ATM: variants seen among roughly 807,000 people sequenced by gnomAD.
The protein encoded by ATM is ATM serine/threonine kinase, also known as serine-protein kinase ATM.
Under a neutral mutation model 387.0 loss-of-function variants are expected in ATM, and 308 were observed. The observed-to-expected ratio is 0.80, with a 90% confidence interval of 0.73 to 0.87. The LOEUF is 0.87. Ranked by LOEUF, ATM falls within the 40% of genes least tolerant of loss-of-function variation. ATM has a pLI of 0.00. For missense variants in ATM, 3,312 were observed against 3,560.9 expected (o/e 0.93, Z 1.78); for synonymous variants, 1,156 against 1,187.3 (o/e 0.97, Z 0.54).
At chr11:108,260,715 T>G (rs886086965) in intron 16 of ATM, among the ~76,000 whole-genome samples, 1 of 152,178 alleles carries the variant, frequency 6.6e-6, no homozygotes, top group South Asian at 2.1e-4. Context: ...TTTCTGCATT[T>G]CCATCTGAGG....
At position 108,317,492 on chromosome 11, in the gene ATM, T is replaced by C. The variant is rs864622730; in HGVS notation, c.6318T>C (p.Asn2106=). The part of the protein sequence containing the change: ...EELHYQAAWR[N]MQWDHCTSVS... The stretch of plus-strand genomic sequence containing the variant: ...TTCATTACCAAGCAGCATGGAGGAA[T>C]ATGCAGTGGGACCATTGCACTTCCG... Residue 2106 remains asparagine (N), a synonymous_variant, in exon 43 of 63, where the codon AAT becomes AAC. Transcript: ENST00000675843. 2.5e-6 allele frequency: 4 copies of C among 1,611,830 alleles called. No individual in the cohort carries two copies. Among genetic ancestry groups the C allele is most frequent in the Non-Finnish European group, 1.7e-6 (2 of 1,179,192 alleles).
intron 23 of ATM, 72 bp from the exon 24 acceptor site, chr11:108,280,923 A>C: frequency 7.2e-7 from 1 of 1,397,680 alleles, no homozygotes; most frequent in Non-Finnish European, 9.9e-7. Flanking sequence ...TCTGGAGTTC[A>C]GTTGGGATTT....
intron 61 of ATM, among the ~76,000 whole-genome samples, chr11:108,356,968 C>T (rs1225938677): frequency 5.3e-5 from 8 of 152,204 alleles, no homozygotes; most frequent in African/African-American, 1.7e-4. Context: ...GGAACAGCTC[C>T]GGTATACAGC....
At chr11:108,235,641 TTTTTC>T in intron 4 of ATM, 24 bp from the exon 5 acceptor site, 4 of 1,561,852 alleles carry the variant, frequency 2.6e-6, no homozygotes, top group Non-Finnish European at 3.5e-6. Flanking sequence ...CAAATTTATG[TTTTTC>T]TTTATTTGTT....
chr11:108,242,180 A>G (rs749562687), intron 5 of ATM, among the ~76,000 whole-genome samples: 2 of 152,182 alleles, frequency 1.3e-5, no homozygotes, highest in Non-Finnish European at 2.9e-5. Context: ...ATGAAATGAG[A>G]TCTAATTGCA....
At chr11:108,275,973 T>C (rs1364836561) in intron 22 of ATM, among the ~76,000 whole-genome samples, 2 of 152,234 alleles carry the variant, frequency 1.3e-5, no homozygotes, top group African/African-American at 4.8e-5. Context: ...GGTTCCATTC[T>C]CCCCATCACT....
At chr11:108,280,715 T>A (rs2082185231) in intron 23 of ATM, among the ~76,000 whole-genome samples, 1 of 152,224 alleles carries the variant, frequency 6.6e-6, no homozygotes, top group Non-Finnish European at 1.5e-5. Flanking sequence ...AAAAGATTTT[T>A]AGCCAGAATG....
chr11:108,337,547 G>A (rs374099048), intron 56 of ATM, among the ~76,000 whole-genome samples: 3 of 152,292 alleles, frequency 2.0e-5, no homozygotes, highest in African/African-American at 7.2e-5. Context: ...TAGAACCTGT[G>A]AATGTGCGTT....
At chr11:108,289,906 GC>G in intron 29 of ATM, 105 bp downstream of exon 29, 1 of 1,142,372 alleles carries the variant, frequency 8.8e-7, no homozygotes, top group Non-Finnish European at 1.3e-6. Context: ...CACTCTGTCC[GC>G]CCAGGCTGGG....
At chr11:108,256,851 C>G (rs2080523690) in intron 14 of ATM, among the ~76,000 whole-genome samples, 1 of 152,162 alleles carries the variant, frequency 6.6e-6, no homozygotes, top group African/African-American at 2.4e-5. Context: ...ATGAACTCAT[C>G]CTTTTTTATG....
chr11:108,248,864 G>T (rs2135287748), intron 8 of ATM, 69 bp from the exon 9 acceptor site: 1 of 1,373,854 alleles, frequency 7.3e-7, no homozygotes. Flanking sequence ...CTCCAACCTG[G>T]GCAACAACAG....
chr11:108,268,480 C>A lies in ATM; in HGVS notation c.2709C>A (p.Phe903Leu). 6.2e-7 allele frequency: 1 copy of A among 1,613,996 alleles called. No individual in the cohort carries two copies. Among genetic ancestry groups the A allele is most frequent in the South Asian group, 1.1e-5 (1 of 91,076 alleles). Residue 903 changes from phenylalanine (F) to leucine (L), a missense_variant, in exon 18 of 63, where the codon TTC becomes TTA. Physicochemically the swap from Phe to Leu is conservative, Grantham distance 22. This residue lies in a region of ATM where 1,791 missense variants were observed against 1,804.5 expected (regional missense o/e 0.99). Transcript: ENST00000675843. ...TACTTTTCTTAGACATGCTCAAGTT[C>A]TTGTGTTTGTGTGTAACTACTGCTC... ...QDLLFLDMLK[F>L]LCLCVTTAQT...
intron 61 of ATM, among the ~76,000 whole-genome samples, chr11:108,356,305 A>G (rs2089916112): frequency 6.6e-6 from 1 of 152,086 alleles, no homozygotes; most frequent in Non-Finnish European, 1.5e-5. Context: ...AGAGGCCGAG[A>G]CAGGTGGATC....
intron 54 of ATM, among the ~76,000 whole-genome samples, chr11:108,334,233 C>G (rs1050564468): frequency 6.6e-6 from 1 of 151,996 alleles, no homozygotes; most frequent in Non-Finnish European, 1.5e-5. Flanking sequence ...TTTCATTGGC[C>G]AGAAGGAGAG....
rs1591531055 is a variant in ATM at position 108,252,883 on chromosome 11, A to G, written c.1869A>G (p.Ala623=). Residue 623 remains alanine (A), a synonymous_variant, in exon 12 of 63, where the codon GCA becomes GCG. Transcript: ENST00000675843. ...VSLTMKNCKA[A]MNFFQSVPEC... Reference sequence around the variant, plus strand: ...TCACTATGAAAAACTGTAAAGCTGCAATGAATTTTTTCCAAAGCGTGCCAG... The same window carrying G: ...TCACTATGAAAAACTGTAAAGCTGCGATGAATTTTTTCCAAAGCGTGCCAG... The G allele has an allele frequency of 6.2e-7, 1 of 1,613,012 alleles. No individual in the cohort carries two copies.
rs876660628 is a variant in ATM, at chr11:108,271,259, G to A, written c.2930G>A (p.Cys977Tyr). 2.5e-6 allele frequency: 4 copies of A among 1,609,362 alleles called. No homozygotes were observed. Among genetic ancestry groups the A allele is most frequent in the Non-Finnish European group, 3.4e-6 (4 of 1,178,778 alleles). The change falls in exon 20 of 63, where the codon TGT (cysteine) becomes TAT (tyrosine). Residue 977 changes from cysteine (C) to tyrosine (Y), a missense_variant. This residue lies in a region of ATM where 1,791 missense variants were observed against 1,804.5 expected (regional missense o/e 0.99). Transcript: ENST00000675843. Reference sequence around the variant, plus strand: ...TTTTTTTTTTACCACAGCAATGTGTGTTCTTTGTATCGTCGTGACCAAGAT... The same window carrying A: ...TTTTTTTTTTACCACAGCAATGTGTATTCTTTGTATCGTCGTGACCAAGAT... ...LELLKPLSNV[C>Y]SLYRRDQDVC...
chr11:108,335,071 G>T lies in ATM; in HGVS notation c.8113G>T (p.Val2705Leu), dbSNP rs587779870. 6.2e-7 allele frequency: 1 copy of T among 1,614,114 alleles called. No homozygotes were observed. The highest frequency in any genetic ancestry group is 8.5e-7 in the Non-Finnish European group (1 of 1,179,990). Residue 2705 changes from valine (V) to leucine (L), a missense_variant, in exon 55 of 63, where the codon GTA (valine) becomes TTA (leucine). By Grantham distance (32) the Val-to-Leu change is conservative (BLOSUM62 1). Around this residue, in one of 4 missense-constraint regions of ATM, gnomAD observed 1,405 missense variants for 1,604.4 expected, o/e 0.88. Transcript: ENST00000675843. ...AAATTTACCAAAAATAATAGATTGTGTAGGTTCCGATGGCAAGGAGAGGAG... is the reference window on the plus strand; with the variant it reads ...AAATTTACCAAAAATAATAGATTGTTTAGGTTCCGATGGCAAGGAGAGGAG... ...GVNLPKIIDC[V>L]GSDGKERRQL...
chr11:108,329,197 G>C lies in ATM; in HGVS notation c.7266G>C (p.Glu2422Asp). 1 of 1,614,000 alleles carries C rather than the reference G, an allele frequency of 6.2e-7. No homozygotes were observed. Among genetic ancestry groups the C allele is most frequent in the African/African-American group, 1.3e-5 (1 of 75,040 alleles). Residue 2422 changes from glutamate (E) to aspartate (D), a missense_variant, in exon 49 of 63, where the codon GAG becomes GAC. By Grantham distance (45) the Glu-to-Asp change is conservative. This residue lies in a region of ATM where 1,405 missense variants were observed against 1,604.4 expected (regional missense o/e 0.88). Transcript: ENST00000675843. ...AAGCTCTCCTGAAAAGAGCCAAAGA[G>C]GAAGTAGGTCTCCTTAGGGAACATA... ...NKQALLKRAK[E>D]EVGLLREHKI...
rs376757451 is a variant in ATM, at chr11:108,315,965, A to G, written c.6096-46A>G. ...TAGTAATTCTGTTTATGAAGGAGTT[A>G]TGTGTGTGTAAAACCCAAAGCTATT... On this transcript the variant is annotated intron_variant, in intron 41 of 62. Transcript: ENST00000675843. The G allele has an allele frequency of 1.1e-5, 18 of 1,607,600 alleles. No individual in the cohort carries two copies. The African/African-American group carries it at 2.3e-4, about 20-fold the overall frequency.
Sources: gnomAD v4.1 joint callset for allele counts (sites outside exome capture counted in the v4.1 genomes callset) on GRCh38, gnomAD v4.1.1 for gene constraint, gnomAD v4.1.1 regional missense constraint, MANE v1.5 for transcripts, NCBI Gene and HGNC (gene_info 2026-07-23, HGNC 2026-07-21) for gene names.